The following WWP1 variants were observed in gnomAD, a reference collection of about 807,000 sequenced individuals.
WWP1 encodes NEDD4-like E3 ubiquitin-protein ligase WWP1.
WWP1 carries 49 observed loss-of-function variants against 130.6 expected under a neutral mutation model. The observed-to-expected ratio is 0.38, with a 90% CI of 0.30 to 0.48. WWP1 has a LOEUF of 0.48. WWP1 is among the 20% of genes least tolerant of loss of function. The probability of loss-of-function intolerance (pLI) is 0.99; values close to 1 mark genes in which losing one functional copy is unlikely to be tolerated. For synonymous variants in WWP1, 332 were observed against 367.8 expected (o/e 0.90, Z 1.11); for missense variants, 809 against 1,100.6 (o/e 0.74, Z 3.75).
At chr8:86,423,062 C>CTTT (rs1307432853) in intron 9 of WWP1, among the ~76,000 whole-genome samples, 3 of 133,612 alleles carry the variant, frequency 2.2e-5, no homozygotes, top group Non-Finnish European at 1.6e-5. Context: ...AAGGTTTCTT[C>CTTT]ATTTTTTTTT....
At chr8:86,405,514 A>G (rs1266124711) in intron 8 of WWP1, among the ~76,000 whole-genome samples, 3 of 152,058 alleles carry the variant, frequency 2.0e-5, no homozygotes, top group African/African-American at 7.2e-5. Flanking sequence ...GTAATATACA[A>G]TATATATGCC....
At chr8:86,452,757 T>C (rs1811243834) in intron 21 of WWP1, 78 bp downstream of exon 21, 2 of 1,533,378 alleles carry the variant, frequency 1.3e-6, no homozygotes, top group Non-Finnish European at 1.8e-6. Flanking sequence ...CAGAACAGTG[T>C]TCACACATTT....
chr8:86,456,091 C>T (rs1048071229), intron 21 of WWP1, among the ~76,000 whole-genome samples: 5 of 151,890 alleles, frequency 3.3e-5, no homozygotes, highest in African/African-American at 1.2e-4. Flanking sequence ...CTACCTCAGT[C>T]CATATTTAAA....
At chr8:86,369,494 G>A (rs1318076404) in intron 2 of WWP1, among the ~76,000 whole-genome samples, 2 of 152,048 alleles carry the variant, frequency 1.3e-5, no homozygotes, top group Non-Finnish European at 1.5e-5. Context: ...AAATAGATTG[G>A]GGGTGGGGAT....
intron 1 of WWP1, among the ~76,000 whole-genome samples, chr8:86,360,513 C>G (rs1823529850): frequency 6.6e-6 from 1 of 152,164 alleles, no homozygotes; most frequent in Admixed American, 6.5e-5. Context: ...ATGCAGTAGG[C>G]CTTTCCTGAG....
At chr8:86,419,592 C>G (rs146545999) in intron 9 of WWP1, among the ~76,000 whole-genome samples, 1 of 152,256 alleles carries the variant, frequency 6.6e-6, no homozygotes, top group East Asian at 1.9e-4. Context: ...ATTTGCCAGA[C>G]AGTAACACAT....
In WWP1 at chr8:86,390,430, C is replaced by A. The variant is rs569402056; in HGVS notation, c.335-7912C>A. Among the ~76,000 whole-genome samples the A allele has an allele frequency of 9.2e-5, 14 of 152,216 alleles. No homozygotes were observed. The South Asian group carries it at 2.7e-3, about 29-fold the overall frequency. ...ATTGAGCACTGAGTGAGCGAGACTCCGTCTGCAATCCCGGCACTTCGGGAG... is the reference window on the plus strand; with the variant it reads ...ATTGAGCACTGAGTGAGCGAGACTCAGTCTGCAATCCCGGCACTTCGGGAG... On this transcript the variant is annotated intron_variant, in intron 5 of 24. Coordinates refer to ENST00000517970, the MANE Select transcript of WWP1 (RefSeq NM_007013.4).
At chr8:86,362,061 C>CATATATAT (rs1823661665) in intron 1 of WWP1, among the ~76,000 whole-genome samples, 2 of 74,434 alleles carry the variant, frequency 2.7e-5, no homozygotes, top group Non-Finnish European at 5.3e-5. Context: ...CATATATACA[C>CATATATAT]ACATATATAT....
intron 14 of WWP1, among the ~76,000 whole-genome samples, chr8:86,435,147 A>G (rs1401659070): frequency 6.6e-6 from 1 of 152,124 alleles, no homozygotes; most frequent in African/African-American, 2.4e-5. Flanking sequence ...TCCTCCTTAG[A>G]TTTAAGGATT....
In WWP1 at chr8:86,448,271, A is replaced by G; in HGVS notation, c.2122A>G (p.Ile708Val). ...SIDTEFYNSLIWIRDNNIEEC... is the reference protein window; with the variant it reads ...SIDTEFYNSLVWIRDNNIEEC... ...TGATACTGAATTTTATAACTCCCTT[A>G]TCTGGATAAGGTTTGAAGATTTTGT... Residue 708 changes from isoleucine (I) to valine (V), a missense_variant, in exon 19 of 25, where the codon ATC (isoleucine) becomes GTC (valine). By Grantham distance (29) the Ile-to-Val change is conservative. This residue lies in a region of WWP1 where 450 missense variants were observed against 674.2 expected (regional missense o/e 0.67). Coordinates refer to ENST00000517970, the MANE Select transcript of WWP1 (RefSeq NM_007013.4). The G allele has an allele frequency of 6.3e-7, 1 of 1,583,612 alleles. No individual in the cohort carries two copies. The highest frequency in any genetic ancestry group is 8.5e-7 in the Non-Finnish European group (1 of 1,172,076).
At chr8:86,466,420 T>TCACTAGCTTA (rs1812139765) in intron 24 of WWP1, among the ~76,000 whole-genome samples, 1 of 152,110 alleles carries the variant, frequency 6.6e-6, no homozygotes, top group African/African-American at 2.4e-5. Context: ...ATATAAAAAA[T>TCACTAGCTTA]TCTCGGTAAA....
intron 5 of WWP1, among the ~76,000 whole-genome samples, chr8:86,384,956 G>C (rs1825193083): frequency 6.6e-6 from 1 of 151,822 alleles, no homozygotes. Flanking sequence ...CCTGGGAGGT[G>C]GTGGTTGCAG....
chr8:86,373,470 T>G (rs1291263610), intron 2 of WWP1, among the ~76,000 whole-genome samples: 3 of 152,184 alleles, frequency 2.0e-5, no homozygotes, highest in African/African-American at 4.8e-5. Context: ...TACTGTATTT[T>G]GAGGCTTCCC....
At chr8:86,347,759 G>A (rs925247839) in intron 1 of WWP1, among the ~76,000 whole-genome samples, 1 of 152,138 alleles carries the variant, frequency 6.6e-6, no homozygotes, top group African/African-American at 2.4e-5. Flanking sequence ...TTTTACAGAT[G>A]AAGTTTGTGT....
chr8:86,414,162 A>G (rs149270712), intron 9 of WWP1, among the ~76,000 whole-genome samples: 12 of 152,280 alleles, frequency 7.9e-5, no homozygotes, highest in Non-Finnish European at 1.6e-4. Context: ...ATAGGCGAGA[A>G]TAGGAAATAT....
chr8:86,401,809 A>G (rs1173450437), intron 7 of WWP1, among the ~76,000 whole-genome samples: 1 of 152,158 alleles, frequency 6.6e-6, no homozygotes, highest in African/African-American at 2.4e-5. Flanking sequence ...CTTTAATATA[A>G]AACATGTCAT....
intron 14 of WWP1, among the ~76,000 whole-genome samples, chr8:86,434,166 C>G (rs1029076458): frequency 6.6e-6 from 1 of 152,186 alleles, no homozygotes; most frequent in Non-Finnish European, 1.5e-5. Context: ...AGCACAGAGA[C>G]TGAATTTCCA....
At chr8:86,417,989 G>A (rs147334542) in intron 9 of WWP1, among the ~76,000 whole-genome samples, 2 of 152,286 alleles carry the variant, frequency 1.3e-5, no homozygotes, top group Non-Finnish European at 2.9e-5. Context: ...ATAGTGACAA[G>A]TTCTATGAGA....
intron 8 of WWP1, among the ~76,000 whole-genome samples, chr8:86,402,628 G>T (rs576794915): frequency 2.0e-5 from 3 of 152,158 alleles, no homozygotes; most frequent in Admixed American, 2.0e-4. Context: ...TCTATGATAG[G>T]AATTTAAAAA....
Sources: allele counts gnomAD v4.1 joint callset (sites outside exome capture counted in the v4.1 genomes callset), GRCh38; gene constraint gnomAD v4.1.1; regional missense constraint gnomAD v4.1.1; transcripts MANE v1.5; gene names NCBI Gene and HGNC (gene_info 2026-07-23, HGNC 2026-07-21).